The following RGPD2 variants were observed in gnomAD, a reference collection of about 807,000 sequenced individuals.
The protein encoded by RGPD2 is RANBP2-like and GRIP domain-containing protein 2.
Under a neutral mutation model 36.0 loss-of-function variants are expected in RGPD2, and 2 were observed. That is an observed-to-expected ratio of 0.06 (90% CI 0.02 to 0.17). The LOEUF is 0.17. Among genes scored for constraint, RGPD2 ranks in the 10% least tolerant of loss-of-function variants. RGPD2 has a pLI of 1.00. For synonymous variants in RGPD2, 19 were observed against 163.8 expected, an observed-to-expected ratio of 0.12 and a Z score of 6.75; for missense variants, 40 against 464.3, an observed-to-expected ratio of 0.09 and a Z score of 8.40.
At chr2:87,926,956 A>G in the RGPD2 span, among the ~76,000 whole-genome samples, 2 of 119,880 alleles carry the variant, frequency 1.7e-5, 1 homozygote. Context: ...GGACAATTTA[A>G]AAATATAATT....
chr2:87,875,656 T>C, the RGPD2 span, among the ~76,000 whole-genome samples: 8 of 152,212 alleles, frequency 5.3e-5, no homozygotes, highest in Non-Finnish European at 1.2e-4. Context: ...ATCAAATATA[T>C]TGGCTTGAAG....
the RGPD2 span, among the ~76,000 whole-genome samples, chr2:87,920,313 A>T: frequency 6.6e-6 from 1 of 151,990 alleles, no homozygotes; most frequent in Non-Finnish European, 1.5e-5. Flanking sequence ...TTCTTTCTTG[A>T]TAAATGTCCT....
At chr2:87,769,226 C>T (rs1427419330) in intron 22 of RGPD2, among the ~76,000 whole-genome samples, 4 of 142,416 alleles carry the variant, frequency 2.8e-5, no homozygotes, top group Non-Finnish European at 6.2e-5. Flanking sequence ...CCTCAGCCTC[C>T]CAAAGTGCTG....
the RGPD2 span, among the ~76,000 whole-genome samples, chr2:87,877,596 G>A: frequency 3.3e-5 from 5 of 152,348 alleles, no homozygotes; most frequent in Middle Eastern, 3.4e-3. Context: ...GAAGTCAGGA[G>A]ATCAAGACCA....
the RGPD2 span, among the ~76,000 whole-genome samples, chr2:87,935,437 C>G: frequency 6.8e-6 from 1 of 146,830 alleles, no homozygotes; most frequent in Non-Finnish European, 1.5e-5. Context: ...GCTCTATGAA[C>G]TTCATTGCTG....
At chr2:87,877,666 G>A in the RGPD2 span, among the ~76,000 whole-genome samples, 45 of 152,332 alleles carry the variant, frequency 3.0e-4, no homozygotes, top group Middle Eastern at 3.4e-3. Flanking sequence ...TTATCTGGGC[G>A]TGGTGGCGGG....
At chr2:87,848,751 A>AG in the RGPD2 span, among the ~76,000 whole-genome samples, 1 of 144,770 alleles carries the variant, frequency 6.9e-6, no homozygotes, top group Non-Finnish European at 1.5e-5. Context: ...AACCTAAAAA[A>AG]TAAATCTGGA....
the RGPD2 span, among the ~76,000 whole-genome samples, chr2:87,884,872 A>T: frequency 8.5e-5 from 13 of 152,168 alleles, no homozygotes; most frequent in Non-Finnish European, 5.9e-5. Flanking sequence ...TAAAGAACTA[A>T]TGCCAATCAT....
At chr2:87,936,118 T>C in the RGPD2 span, among the ~76,000 whole-genome samples, 1 of 135,292 alleles carries the variant, frequency 7.4e-6, no homozygotes, top group African/African-American at 2.8e-5. Flanking sequence ...TTGCAGTTAT[T>C]GGTAGTTATT....
At chr2:87,772,889 G>T (rs1685170316) in intron 21 of RGPD2, among the ~76,000 whole-genome samples, 1 of 148,734 alleles carries the variant, frequency 6.7e-6, no homozygotes, top group Admixed American at 6.7e-5. Flanking sequence ...GAAGCACAGG[G>T]TATCATGGAA....
the RGPD2 span, among the ~76,000 whole-genome samples, chr2:87,884,097 C>T: frequency 2.6e-3 from 391 of 150,310 alleles, no homozygotes; most frequent in East Asian, 0.043. Flanking sequence ...TATCAAGTAT[C>T]ATTTTCCATC....
At chr2:87,863,750 T>C in the RGPD2 span, among the ~76,000 whole-genome samples, 5 of 152,054 alleles carry the variant, frequency 3.3e-5, no homozygotes, top group African/African-American at 9.6e-5. Flanking sequence ...AGCAAATGCC[T>C]TTGATTTATT....
the RGPD2 span, among the ~76,000 whole-genome samples, chr2:87,866,998 CTA>C: frequency 1.3e-5 from 2 of 151,954 alleles, no homozygotes; most frequent in Non-Finnish European, 2.9e-5. Flanking sequence ...TTTTCCTTTT[CTA>C]TGTGAGAGGT....
chr2:87,964,141 G>A, the RGPD2 span, among the ~76,000 whole-genome samples: 1 of 152,240 alleles, frequency 6.6e-6, no homozygotes, highest in African/African-American at 2.4e-5. Flanking sequence ...AGCATCCAAA[G>A]AGAGAATCTT....
chr2:87,772,537 G>A (rs1246734977), intron 21 of RGPD2, among the ~76,000 whole-genome samples, 173 bp from the exon 22 acceptor site: 1 of 26,856 alleles, frequency 3.7e-5, no homozygotes, highest in Non-Finnish European at 8.3e-5. Flanking sequence ...CATTTCAAAG[G>A]AGTTTATGAC....
At chr2:87,825,397 C>T (rs1010551711) in intron 1 of RGPD2, among the ~76,000 whole-genome samples, 1 of 135,460 alleles carries the variant, frequency 7.4e-6, no homozygotes, top group African/African-American at 2.8e-5. Flanking sequence ...CCGCCGCCGC[C>T]CGGCCAGGCC....
upstream of RGPD2, among the ~76,000 whole-genome samples, chr2:87,829,573 G>GA (rs1189156273): frequency 6.6e-6 from 1 of 151,614 alleles, no homozygotes; most frequent in African/African-American, 2.4e-5. Flanking sequence ...CAGTGGAAGG[G>GA]AAAAGAGGAG....
chr2:87,867,740 C>T, the RGPD2 span, among the ~76,000 whole-genome samples: 17 of 149,710 alleles, frequency 1.1e-4, no homozygotes, highest in African/African-American at 3.4e-4. Context: ...TATTTGTGGA[C>T]GTCAAACTCT....
At chr2:87,919,869 A>G in the RGPD2 span, among the ~76,000 whole-genome samples, 2 of 151,870 alleles carry the variant, frequency 1.3e-5, no homozygotes, top group South Asian at 4.1e-4. Context: ...GAATATAAGT[A>G]CCTTGCCCTA....
Sources: gnomAD v4.1 joint callset for allele counts (sites outside exome capture counted in the v4.1 genomes callset) on GRCh38, gnomAD v4.1.1 for gene constraint, MANE v1.5 for transcripts, NCBI Gene and HGNC (gene_info 2026-07-23, HGNC 2026-07-21) for gene names.